CREM: variants seen among roughly 807,000 people sequenced by gnomAD.
The protein encoded by CREM is cAMP responsive element modulator, also known as cAMP-responsive element modulator.
Under a neutral mutation model 37.3 loss-of-function variants are expected in CREM, and 13 were observed. The ratio of observed to expected loss-of-function variants is 0.35; its 90% CI spans 0.23 to 0.55. The LOEUF (loss-of-function observed/expected upper bound fraction) is 0.55, where lower values mean the gene tolerates loss of function less well. CREM is among the 20% of genes least tolerant of loss of function. CREM has a pLI of 0.88. For synonymous variants in CREM, 124 were observed against 120.2 expected, an observed-to-expected ratio of 1.03 and a Z score of -0.21; for missense variants, 296 against 362.3, an observed-to-expected ratio of 0.82 and a Z score of 1.49.
At chr10:35,174,483 A>G (rs2093961431) in intron 3 of CREM, among the ~76,000 whole-genome samples, 1 of 152,248 alleles carries the variant, frequency 6.6e-6, no homozygotes, top group Non-Finnish European at 1.5e-5. Flanking sequence ...ATGATGATGT[A>G]AATAAATCTT....
intron 5 of CREM, among the ~76,000 whole-genome samples, chr10:35,186,587 C>A (rs1000781017): frequency 2.1e-5 from 3 of 145,454 alleles, no homozygotes; most frequent in African/African-American, 5.0e-5. Flanking sequence ...AGCTTTATAA[C>A]CAAAATATGT....
At chr10:35,140,033 G>A (rs1485590882) in intron 2 of CREM, among the ~76,000 whole-genome samples, 1 of 152,124 alleles carries the variant, frequency 6.6e-6, no homozygotes, top group African/African-American at 2.4e-5. Context: ...AGGTTGTACT[G>A]GAGGGCATAA....
chr10:35,202,632 T>C (rs539654195), intron 6 of CREM, among the ~76,000 whole-genome samples: 1 of 152,326 alleles, frequency 6.6e-6, no homozygotes, highest in African/African-American at 2.4e-5. Flanking sequence ...CCATCGACCA[T>C]TAGAAGTATA....
chr10:35,149,939 C>CACACACACACACACACACACACACA (rs1554890903), intron 3 of CREM, among the ~76,000 whole-genome samples: 9 of 145,264 alleles, frequency 6.2e-5, no homozygotes, highest in East Asian at 2.2e-4. Flanking sequence ...CACACACACA[C>CACACACACACACACACACACACACA]CCTTGTTAAA....
rs768537426 is a variant in CREM, at chr10:35,155,248, CTAATGGG to C, written c.168+6760_168+6766del. On this transcript the variant is annotated intron_variant, in intron 3 of 7. Transcript: ENST00000685392. ...GTTCAAGTTCCCTTTCTTAGTTTTA[CTAATGGG>C]TAGTTTGTCACTAGCAGTAATGAAA... Among the ~76,000 whole-genome samples, 1,202 of 152,208 alleles carry C rather than the reference CTAATGGG, an allele frequency of 7.9e-3. 5 individuals carry two copies. Among genetic ancestry groups the C allele is most frequent in the Non-Finnish European group, 0.011 (774 of 68,010 alleles).
rs1564922674 is a variant in CREM at position 35,187,164 on chromosome 10, TATATATTAATATTAATATATAA to T, written c.410-1023_410-1002del. ...AATATATAATATATATAATATATATTATATATTAATATTAATATATAAATATATTAATATATAATATATATTA... is the reference window on the plus strand; with the variant it reads ...AATATATAATATATATAATATATATTATATATTAATATATAATATATATTA... On this transcript the variant is annotated intron_variant, in intron 5 of 7. Transcript: ENST00000685392. 2.2e-3 allele frequency among the ~76,000 whole-genome samples: 93 copies of T among 42,782 alleles called. 1 individual carries two copies. Among genetic ancestry groups the T allele is most frequent in the East Asian group, 0.02 (39 of 1,912 alleles). The allele number at this position is 42,782 out of a possible 152,430, so 28.1% of individuals were successfully genotyped here.
intron 5 of CREM, among the ~76,000 whole-genome samples, chr10:35,181,414 A>G (rs974275100): frequency 3.3e-5 from 5 of 152,218 alleles, no homozygotes; most frequent in African/African-American, 7.2e-5. Context: ...ATTCATGTTC[A>G]TTGAACTTTC....
intron 6 of CREM, among the ~76,000 whole-genome samples, chr10:35,203,058 C>CTT (rs1012721984): frequency 3.4e-5 from 5 of 146,062 alleles, no homozygotes; most frequent in Admixed American, 2.1e-4. Flanking sequence ...TGCTTTTTTC[C>CTT]TTTTTTTTTT....
chr10:35,128,286 C>G (rs1273053344), intron 1 of CREM, among the ~76,000 whole-genome samples: 1 of 152,170 alleles, frequency 6.6e-6, no homozygotes, highest in African/African-American at 2.4e-5. Context: ...GGGCCAGTCT[C>G]AAAGTGTCAC....
intron 3 of CREM, 132 bp downstream of exon 3, chr10:35,148,623 T>G: frequency 1.9e-6 from 2 of 1,055,438 alleles, no homozygotes; most frequent in Non-Finnish European, 2.7e-6. Context: ...CTTATTTGAT[T>G]GTGAAGAAAA....
At chr10:35,210,414 G>A (rs990843862) in intron 7 of CREM, 6 of 152,218 alleles carry the variant, frequency 3.9e-5, no homozygotes, top group African/African-American at 1.4e-4. Context: ...TCATCTGTTT[G>A]TGTTGTTGCT....
chr10:35,169,435 C>T (rs2093698861), intron 3 of CREM, among the ~76,000 whole-genome samples: 1 of 152,154 alleles, frequency 6.6e-6, no homozygotes, highest in South Asian at 2.1e-4. Flanking sequence ...GATTTTTGCA[C>T]ATTGATTTTG....
intron 3 of CREM, among the ~76,000 whole-genome samples, chr10:35,170,720 T>G (rs375099789): frequency 6.6e-6 from 1 of 152,236 alleles, no homozygotes; most frequent in East Asian, 1.9e-4. Context: ...GATGGTAGTT[T>G]GTAATTCTGT....
Position 35,189,921 on chromosome 10 carries a change from C to G in CREM, c.598+1533C>G, listed in dbSNP as rs538206255. Among the ~76,000 whole-genome samples the G allele has an allele frequency of 3.1e-3, 465 of 152,226 alleles. 4 individuals carry two copies. The highest frequency in any genetic ancestry group is 6.8e-3 in the Middle Eastern group (2 of 294). On this transcript the variant is annotated intron_variant, in intron 6 of 7. Coordinates refer to ENST00000685392, the MANE Select transcript of CREM (RefSeq NM_183011.2). ...CAGGTATTTTGGGGGTTAATGTGGA[C>G]TATGGTAAAAGTGTGTGAAGAACTG...
chr10:35,184,219 G>C (rs1219598855), intron 5 of CREM, among the ~76,000 whole-genome samples: 2 of 152,176 alleles, frequency 1.3e-5, no homozygotes, highest in East Asian at 3.8e-4. Context: ...CCAATATCAG[G>C]ATGTGGGGCA....
intron 6 of CREM, among the ~76,000 whole-genome samples, chr10:35,190,797 G>A (rs932916316): frequency 6.6e-6 from 1 of 152,084 alleles, no homozygotes; most frequent in South Asian, 2.1e-4. Flanking sequence ...AAGTAGCTGG[G>A]ACTACAGGCG....
chr10:35,182,392 A>C (rs967267836), intron 5 of CREM, among the ~76,000 whole-genome samples: 2 of 151,566 alleles, frequency 1.3e-5, no homozygotes, highest in Non-Finnish European at 2.9e-5. Context: ...ATTTTTTTTA[A>C]TGCTCTTTCA....
intron 5 of CREM, among the ~76,000 whole-genome samples, chr10:35,187,156 A>G (rs1205583828): frequency 3.3e-5 from 2 of 60,718 alleles, no homozygotes; most frequent in African/African-American, 1.2e-4. Context: ...AATATATATA[A>G]TATATATTAT....
At chr10:35,190,502 A>G (rs2094863664) in intron 6 of CREM, among the ~76,000 whole-genome samples, 1 of 152,096 alleles carries the variant, frequency 6.6e-6, no homozygotes, top group Admixed American at 6.6e-5. Context: ...AGCGCCATAC[A>G]TGTTTGTTAT....
Sources: gnomAD v4.1 joint callset for allele counts (sites outside exome capture counted in the v4.1 genomes callset) on GRCh38, gnomAD v4.1.1 for gene constraint, MANE v1.5 for transcripts, NCBI Gene and HGNC (gene_info 2026-07-23, HGNC 2026-07-21) for gene names.